Variants in SUPT3H observed in about 807,000 individuals in gnomAD.
SUPT3H encodes the protein SPT3 homolog, SAGA and STAGA complex component.
SUPT3H carries 44 observed loss-of-function variants against 44.3 expected under a neutral mutation model. The ratio of observed to expected loss-of-function variants is 0.99; its 90% CI spans 0.78 to 1.28. The LOEUF (loss-of-function observed/expected upper bound fraction) is 1.28, where lower values mean the gene tolerates loss of function less well. Among genes scored for constraint, SUPT3H ranks in the 50% most tolerant of loss-of-function variants. SUPT3H has a pLI of 0.00. For missense variants in SUPT3H, 380 were observed against 387.1 expected (o/e 0.98, Z 0.15); for synonymous variants, 124 against 125.6 (o/e 0.99, Z 0.09).
chr6:44,908,939 AAAT>A (rs1766558521), intron 10 of SUPT3H, among the ~76,000 whole-genome samples: 2 of 152,238 alleles, frequency 1.3e-5, no homozygotes, highest in African/African-American at 2.4e-5. Flanking sequence ...GGGAAATATT[AAAT>A]AATAAGCTTT....
chr6:44,813,173 T>C (rs545791206), intron 11 of SUPT3H, among the ~76,000 whole-genome samples: 4 of 152,202 alleles, frequency 2.6e-5, no homozygotes, highest in African/African-American at 9.6e-5. Flanking sequence ...TTATATCCTC[T>C]CTAGAAAAAA....
Position 44,833,780 on chromosome 6 carries a change from T to G in SUPT3H, c.913-3923A>C, listed in dbSNP as rs544473234. ...ACAATAAACAAAACAAACCAGACAG[T>G]CCCCTGCCCCAATTCCACCCAGAGC... On this transcript the variant is annotated intron_variant, in intron 10 of 10. Coordinates refer to ENST00000371459, the MANE Select transcript of SUPT3H (RefSeq NM_003599.4). Among the ~76,000 whole-genome samples the G allele has an allele frequency of 9.9e-5, 15 of 152,224 alleles. No homozygotes were observed. In the South Asian group the frequency reaches 2.7e-3, roughly 27 times the overall value.
chr6:45,110,073 T>A (rs565988248), intron 2 of SUPT3H, among the ~76,000 whole-genome samples: 108 of 152,186 alleles, frequency 7.1e-4, no homozygotes, highest in African/African-American at 2.5e-3. Context: ...CACACAACCC[T>A]CCATTTTAGG....
At chr6:44,904,778 G>A (rs1274332061) in intron 10 of SUPT3H, among the ~76,000 whole-genome samples, 1 of 152,118 alleles carries the variant, frequency 6.6e-6, no homozygotes, top group Non-Finnish European at 1.5e-5. Flanking sequence ...TATACTACAA[G>A]GCTACAGTAA....
intron 10 of SUPT3H, among the ~76,000 whole-genome samples, chr6:44,868,116 T>C (rs1775791584): frequency 6.6e-6 from 1 of 152,192 alleles, no homozygotes; most frequent in South Asian, 2.1e-4. Flanking sequence ...TTTAAACCCA[T>C]GTGTATTTCA....
At chr6:45,251,683 C>A (rs560529300) in intron 2 of SUPT3H, among the ~76,000 whole-genome samples, 8 of 152,264 alleles carry the variant, frequency 5.3e-5, no homozygotes, top group African/African-American at 1.9e-4. Flanking sequence ...TCTCTGATAT[C>A]TACAGAACTG....
chr6:44,891,304 A>G (rs1763275463), intron 10 of SUPT3H, among the ~76,000 whole-genome samples: 1 of 152,176 alleles, frequency 6.6e-6, no homozygotes, highest in Non-Finnish European at 1.5e-5. Flanking sequence ...AGGAACTCAG[A>G]TACTGGTACA....
At chr6:45,321,734 C>T (rs1441008702) in intron 2 of SUPT3H, 18 of 1,165,758 alleles carry the variant, frequency 1.5e-5, no homozygotes, top group Non-Finnish European at 1.9e-5. Context: ...AATACATTCT[C>T]TCTTCTACCC....
At chr6:44,946,661 T>C (rs1773399134) in intron 9 of SUPT3H, among the ~76,000 whole-genome samples, 3 of 151,972 alleles carry the variant, frequency 2.0e-5, no homozygotes, top group African/African-American at 7.3e-5. Flanking sequence ...TGGGTGAGAG[T>C]TGTTGCTTAT....
intron 3 of SUPT3H, among the ~76,000 whole-genome samples, chr6:45,100,468 G>A (rs1798393818): frequency 6.7e-6 from 1 of 149,244 alleles, no homozygotes; most frequent in Non-Finnish European, 1.5e-5. Context: ...AGCTACTCAT[G>A]AGGCTGAGGG....
chr6:45,321,940 A>C, intron 2 of SUPT3H: 3 of 1,043,394 alleles, frequency 2.9e-6, no homozygotes, highest in Non-Finnish European at 4.2e-6. Context: ...ACATATTATA[A>C]ATAAATACCT....
At chr6:44,985,838 T>C (rs1779715364) in intron 6 of SUPT3H, among the ~76,000 whole-genome samples, 2 of 152,182 alleles carry the variant, frequency 1.3e-5, no homozygotes, top group South Asian at 4.1e-4. Context: ...CAAAATTCTT[T>C]AAAGTCCCTC....
chr6:45,050,580 C>T (rs1790125755), intron 3 of SUPT3H, among the ~76,000 whole-genome samples: 1 of 152,058 alleles, frequency 6.6e-6, no homozygotes, highest in Non-Finnish European at 1.5e-5. Context: ...TTCTTGGTCT[C>T]CACTGCAGTA....
intron 2 of SUPT3H, among the ~76,000 whole-genome samples, chr6:45,229,341 A>G (rs1207109519): frequency 2.6e-5 from 4 of 152,118 alleles, no homozygotes; most frequent in African/African-American, 9.7e-5. Flanking sequence ...ACTACAAATC[A>G]ACTTATACTG....
At chr6:45,284,760 C>G (rs545541529) in intron 2 of SUPT3H, among the ~76,000 whole-genome samples, 1 of 152,256 alleles carries the variant, frequency 6.6e-6, no homozygotes, top group South Asian at 2.1e-4. Context: ...CAGCATCATC[C>G]TGATACCAAA....
Position 45,301,131 on chromosome 6 carries a change from G to C in SUPT3H, c.101+64070C>G, listed in dbSNP as rs74822263. 3.5e-3 allele frequency among the ~76,000 whole-genome samples: 534 copies of C among 152,228 alleles called. 4 individuals are homozygous for C. Among genetic ancestry groups the C allele is most frequent in the African/African-American group, 0.013 (520 of 41,536 alleles). ...AGGTCCTGGCAATTCTGTGGCACTAGTGAGAACTGAGAGCTGTAAGTCACC... is the reference window on the plus strand; with the variant it reads ...AGGTCCTGGCAATTCTGTGGCACTACTGAGAACTGAGAGCTGTAAGTCACC... On this transcript the variant is annotated intron_variant, in intron 2 of 10. Coordinates refer to ENST00000371459, the MANE Select transcript of SUPT3H (RefSeq NM_003599.4).
chr6:45,265,938 T>C (rs1775178381), intron 2 of SUPT3H, among the ~76,000 whole-genome samples: 1 of 152,086 alleles, frequency 6.6e-6, no homozygotes, highest in Admixed American at 6.6e-5. Context: ...AACTCATTCA[T>C]ATCTTTTGCC....
intron 2 of SUPT3H, among the ~76,000 whole-genome samples, chr6:45,306,005 C>G (rs1321684139): frequency 1.3e-5 from 2 of 152,222 alleles, no homozygotes; most frequent in Non-Finnish European, 2.9e-5. Context: ...ACTCCCAATT[C>G]TCATCTCCAC....
chr6:45,017,480 T>G (rs1013774998), intron 4 of SUPT3H, among the ~76,000 whole-genome samples: 2 of 151,948 alleles, frequency 1.3e-5, no homozygotes, highest in African/African-American at 4.8e-5. Context: ...TGGTTTTAGG[T>G]CTAACATTTA....
Sources: gnomAD v4.1 joint callset for allele counts (sites outside exome capture counted in the v4.1 genomes callset) on GRCh38, gnomAD v4.1.1 for gene constraint, MANE v1.5 for transcripts, NCBI Gene and HGNC (gene_info 2026-07-23, HGNC 2026-07-21) for gene names.